The following AGAP1 variants were observed in gnomAD, a reference collection of about 807,000 sequenced individuals.
AGAP1 encodes ArfGAP with GTPase domain, ankyrin repeat and PH domain 1, also known as arf-GAP with GTPase, ANK repeat and PH domain-containing protein 1.
Under a neutral mutation model 105.3 loss-of-function variants are expected in AGAP1, and 29 were observed. The observed-to-expected ratio is 0.28, with a 90% CI of 0.21 to 0.38. The LOEUF (loss-of-function observed/expected upper bound fraction) is 0.38, where lower values mean the gene tolerates loss of function less well. AGAP1 is among the 10% of genes least tolerant of loss of function. AGAP1 has a pLI of 1.00. For missense variants in AGAP1, 998 were observed against 1,165.1 expected, an observed-to-expected ratio of 0.86 and a Z score of 2.09; for synonymous variants, 509 against 485.9, an observed-to-expected ratio of 1.05 and a Z score of -0.63.
At chr2:236,086,606 A>G (rs1001238210) in intron 16 of AGAP1, among the ~76,000 whole-genome samples, 1 of 152,240 alleles carries the variant, frequency 6.6e-6, no homozygotes, top group African/African-American at 2.4e-5. Context: ...GTCACTCAGC[A>G]TAGAGCTGAT....
chr2:235,669,634 G>GCCCGCCACCCGCCA (rs547526665), intron 1 of AGAP1: 41 of 148,094 alleles, frequency 2.8e-4, no homozygotes, highest in Non-Finnish European at 4.4e-4. Context: ...GCCGCCCGCC[G>GCCCGCCACCCGCCA]CCCGCCACCC....
At position 236,035,968 on chromosome 2, in the gene AGAP1, G is replaced by A. The variant is rs937984685; in HGVS notation, c.1646-593G>A. Reference sequence around the variant, plus strand: ...TTCCTCTCTTCCCATTGCAGACATGGCCCCAGAGTAGCTACCAAGTCTGGG... The same window carrying A: ...TTCCTCTCTTCCCATTGCAGACATGACCCCAGAGTAGCTACCAAGTCTGGG... On this transcript the variant is annotated intron_variant, in intron 13 of 17. Coordinates refer to ENST00000304032, the MANE Select transcript of AGAP1 (RefSeq NM_001037131.3). This position sits in a 1 kb window ranked among gnomAD's most constrained non-coding sequence, Gnocchi z 4.2. 6.6e-6 allele frequency among the ~76,000 whole-genome samples: 1 copy of A among 151,994 alleles called. No individual in the cohort carries two copies. Among genetic ancestry groups the A allele is most frequent in the Non-Finnish European group, 1.5e-5 (1 of 67,976 alleles).
chr2:235,738,020 A>C (rs1414874268), intron 3 of AGAP1, among the ~76,000 whole-genome samples: 1 of 152,056 alleles, frequency 6.6e-6, no homozygotes, highest in Admixed American at 6.6e-5. Flanking sequence ...TCCGGAGGGC[A>C]CAGAGGAGCA....
chr2:235,919,929 G>A lies in AGAP1; in HGVS notation c.1325-10836G>A, dbSNP rs1297039806. On this transcript the variant is annotated intron_variant, in intron 11 of 17. Coordinates refer to ENST00000304032, the MANE Select transcript of AGAP1 (RefSeq NM_001037131.3). This position sits in a 1 kb window ranked among gnomAD's most constrained non-coding sequence, Gnocchi z 4.1. The stretch of plus-strand genomic sequence containing the variant: ...TGGCCAAGACAAGCCGTACGATGGC[G>A]CTCTCCATAAACACTGTCGGAATCT... Among the ~76,000 whole-genome samples, 6 of 152,126 alleles carry A rather than the reference G, an allele frequency of 3.9e-5. No individual in the cohort carries two copies. Among genetic ancestry groups the A allele is most frequent in the African/African-American group, 1.2e-4 (5 of 41,408 alleles).
At chr2:235,703,991 T>A (rs577935323) in intron 1 of AGAP1, among the ~76,000 whole-genome samples, 40 of 152,200 alleles carry the variant, frequency 2.6e-4, no homozygotes, top group African/African-American at 9.1e-4. Context: ...ATGCTTCTAT[T>A]TTATGGTGAG....
At chr2:235,856,591 A>G (rs2048695256) in intron 9 of AGAP1, among the ~76,000 whole-genome samples, 1 of 152,224 alleles carries the variant, frequency 6.6e-6, no homozygotes, top group Non-Finnish European at 1.5e-5. Context: ...CTCTGTGTGG[A>G]CCATCTGCCT....
chr2:235,896,741 C>T (rs1001773499), intron 10 of AGAP1, among the ~76,000 whole-genome samples: 4 of 152,202 alleles, frequency 2.6e-5, no homozygotes, highest in Non-Finnish European at 5.9e-5. Flanking sequence ...CATGTGTCAA[C>T]AGTTCCAAAG....
At position 235,716,928 on chromosome 2, in the gene AGAP1, C is replaced by G. The variant is rs1012140563; in HGVS notation, c.223-629C>G. Among the ~76,000 whole-genome samples, 17 of 152,010 alleles carry G rather than the reference C, an allele frequency of 1.1e-4. No individual in the cohort carries two copies. The highest frequency in any genetic ancestry group is 4.1e-4 in the African/African-American group (17 of 41,390). ...ATCCAGCACAAACGAGCACCTTTGC[C>G]GTCTCTCCCAGCAGCCCTGGCACTG... On this transcript the variant is annotated intron_variant, in intron 2 of 17. Transcript: ENST00000304032. This position sits in a 1 kb window ranked among gnomAD's most constrained non-coding sequence, Gnocchi z 4.0.
intron 6 of AGAP1, among the ~76,000 whole-genome samples, chr2:235,781,492 G>C (rs759128005): frequency 6.6e-6 from 1 of 152,202 alleles, no homozygotes; most frequent in Admixed American, 6.5e-5. Context: ...TGCCTTTTCT[G>C]TGCTGAATTA....
rs865870470 is a variant in AGAP1 at position 235,577,829 on chromosome 2, A to T, written c.163+82980A>T. On this transcript the variant is annotated intron_variant, in intron 1 of 17. Coordinates refer to ENST00000304032, the MANE Select transcript of AGAP1 (RefSeq NM_001037131.3). This position sits in a 1 kb window ranked among gnomAD's most constrained non-coding sequence, Gnocchi z 4.5. ...TGTAATCCCTCCTTCAGCGCTGCAC[A>T]AAAGGCCCATGTCTGCTCGCTGGGA... is the stretch of plus-strand genomic sequence containing the variant. Among the ~76,000 whole-genome samples the T allele has an allele frequency of 6.6e-6, 1 of 151,988 alleles. No homozygotes were observed. The highest frequency in any genetic ancestry group is 1.5e-5 in the Non-Finnish European group (1 of 67,996).
chr2:235,658,138 A>G lies in AGAP1; in HGVS notation c.164-51041A>G, dbSNP rs200859415. ...ATGTTATGAACATTAAAATCTTTCTATTGCTAGGGAAGGTCATTAAAACCT... is the reference window on the plus strand; with the variant it reads ...ATGTTATGAACATTAAAATCTTTCTGTTGCTAGGGAAGGTCATTAAAACCT... On this transcript the variant is annotated intron_variant, in intron 1 of 17. Transcript: ENST00000304032. 2.4e-3 allele frequency among the ~76,000 whole-genome samples: 368 copies of G among 152,324 alleles called. 4 individuals are homozygous for G. The highest frequency in any genetic ancestry group is 8.2e-3 in the African/African-American group (341 of 41,570).
At chr2:235,656,624 G>A (rs1309001604) in intron 1 of AGAP1, among the ~76,000 whole-genome samples, 2 of 152,026 alleles carry the variant, frequency 1.3e-5, no homozygotes, top group African/African-American at 4.8e-5. Flanking sequence ...TAGCCTGTGC[G>A]GTCTAACCCT....
At chr2:235,584,174 C>A (rs754447416) in intron 1 of AGAP1, among the ~76,000 whole-genome samples, 8 of 147,970 alleles carry the variant, frequency 5.4e-5, no homozygotes, top group African/African-American at 7.5e-5. Flanking sequence ...GAACTTGAAG[C>A]ATGACCCTCA....
Position 235,883,545 on chromosome 2 carries a change from G to T in AGAP1, c.1155+96G>T, listed in dbSNP as rs1017439133. On this transcript the variant is annotated intron_variant, in intron 10 of 17. Transcript: ENST00000304032. The surrounding 1 kb of genome is among the most constrained non-coding windows in gnomAD (Gnocchi z 4.5). ...ACCAGCAGCCCAGCCTCTTGTCTCTGTTTGAAGTGAAAGTCGTATTTGGTC... is the reference window on the plus strand; with the variant it reads ...ACCAGCAGCCCAGCCTCTTGTCTCTTTTTGAAGTGAAAGTCGTATTTGGTC... 5.9e-6 allele frequency: 6 copies of T among 1,011,776 alleles called. No individual in the cohort carries two copies. Among genetic ancestry groups the T allele is most frequent in the Non-Finnish European group, 7.5e-6 (5 of 666,060 alleles). The allele number at this position is 1,011,776 out of a possible 1,614,324, so 62.7% of individuals were successfully genotyped here.
rs1381307008 is a variant in AGAP1 at position 236,002,342 on chromosome 2, A to G, written c.1645+33719A>G. Among the ~76,000 whole-genome samples the G allele has an allele frequency of 6.6e-6, 1 of 152,196 alleles. No homozygotes were observed. The highest frequency in any genetic ancestry group is 6.5e-5 in the Admixed American group (1 of 15,286). ...AAGCTCAAATATCATCCCCACCTGG[A>G]CAGTCTGCAAATGACTTTCCTTCTT... is the stretch of plus-strand genomic sequence containing the variant. On this transcript the variant is annotated intron_variant, in intron 13 of 17. Coordinates refer to ENST00000304032, the MANE Select transcript of AGAP1 (RefSeq NM_001037131.3). This position sits in a 1 kb window ranked among gnomAD's most constrained non-coding sequence, Gnocchi z 4.3.
At chr2:235,791,112 A>G (rs1362428748) in intron 6 of AGAP1, among the ~76,000 whole-genome samples, 1 of 152,272 alleles carries the variant, frequency 6.6e-6, no homozygotes, top group African/African-American at 2.4e-5. Context: ...GGCTTGAATT[A>G]TCAACAATAT....
intron 9 of AGAP1, among the ~76,000 whole-genome samples, chr2:235,828,761 A>T (rs1959176504): frequency 6.6e-6 from 1 of 152,186 alleles, no homozygotes; most frequent in Non-Finnish European, 1.5e-5. Flanking sequence ...TGTTGCTCGG[A>T]TGTCATGAGA....
Position 235,823,052 on chromosome 2 carries a change from A to G in AGAP1, c.1050+15721A>G, listed in dbSNP as rs145806997. Among the ~76,000 whole-genome samples the G allele has an allele frequency of 2.9e-3, 441 of 152,254 alleles. 2 individuals carry two copies. The highest frequency in any genetic ancestry group is 0.02 in the East Asian group (104 of 5,170). On this transcript the variant is annotated intron_variant, in intron 9 of 17. Transcript: ENST00000304032. ...AACCAACATGTGTTCTTTGGGTTTCATCTCGTAATTTCATTCATGAAGGTT... is the reference window on the plus strand; with the variant it reads ...AACCAACATGTGTTCTTTGGGTTTCGTCTCGTAATTTCATTCATGAAGGTT...
At position 236,128,473 on chromosome 2, in the gene AGAP1, C is replaced by G. The variant is rs1162151470; in HGVS notation, c.*4351C>G. On this transcript the variant is annotated 3_prime_UTR_variant, in exon 18 of 18. Transcript: ENST00000304032. This position sits in a 1 kb window ranked among gnomAD's most constrained non-coding sequence, Gnocchi z 5.9. ...TCCTCCTGTCTGAGATCGGAGCTTG[C>G]TGGAGAGCACCCCAGGTCGCCGTGC... 6.6e-6 allele frequency: 1 copy of G among 152,308 alleles called. No homozygotes were observed. The highest frequency in any genetic ancestry group is 2.4e-5 in the African/African-American group (1 of 41,438). 9.4% of individuals were successfully genotyped at this position (152,308 alleles called of 1,614,324 possible).
Sources: allele counts gnomAD v4.1 joint callset (sites outside exome capture counted in the v4.1 genomes callset), GRCh38; gene constraint gnomAD v4.1.1; non-coding constraint Gnocchi (gnomAD v3.1); transcripts MANE v1.5; gene names NCBI Gene and HGNC (gene_info 2026-07-23, HGNC 2026-07-21).